Variants in ARL6IP1 observed in about 807,000 individuals in gnomAD.
ARL6IP1 encodes ADP-ribosylation factor-like protein 6-interacting protein 1.
ARL6IP1 carries 16 observed loss-of-function variants against 30.1 expected under a neutral mutation model. The ratio of observed to expected loss-of-function variants is 0.53; its 90% CI spans 0.36 to 0.81. The LOEUF (loss-of-function observed/expected upper bound fraction) is 0.81, where lower values mean the gene tolerates loss of function less well. Among genes scored for constraint, ARL6IP1 ranks in the 30% least tolerant of loss-of-function variants. The pLI is 0.01. For synonymous variants in ARL6IP1, 72 were observed against 84.8 expected (o/e 0.85, Z 0.83); for missense variants, 173 against 242.7 (o/e 0.71, Z 1.91).
In ARL6IP1 at chr16:18,793,288, G is replaced by C. The variant is rs201894158; in HGVS notation, c.576C>G (p.Asn192Lys). 1 of 1,612,364 alleles carries C rather than the reference G, an allele frequency of 6.2e-7. No individual in the cohort carries two copies. The highest frequency in any genetic ancestry group is 8.5e-7 in the Non-Finnish European group (1 of 1,179,480). ...KYIGMAKREINKLLKQKEKKN... is the reference protein window; with the variant it reads ...KYIGMAKREIKKLLKQKEKKN... The stretch of plus-strand genomic sequence containing the variant: ...TCTTTTCTTTTTGTTTGAGAAGTTT[G>C]TTTATCTCCCTCTTGGCCATTCCAA... The change falls in exon 6 of 6, where the codon AAC becomes AAG. Residue 192 changes from asparagine (N) to lysine (K), a missense_variant. Coordinates refer to ENST00000304414, the MANE Select transcript of ARL6IP1 (RefSeq NM_015161.3).
At chr16:18,795,322 C>A in intron 4 of ARL6IP1, 142 bp downstream of exon 4, 1 of 523,676 alleles carries the variant, frequency 1.9e-6, no homozygotes, top group Non-Finnish European at 3.3e-6. Flanking sequence ...ATGATTCAGT[C>A]TAATTAATAC....
chr16:18,797,152 G>A (rs901789939), intron 3 of ARL6IP1, among the ~76,000 whole-genome samples: 2 of 151,944 alleles, frequency 1.3e-5, no homozygotes, highest in East Asian at 1.9e-4. Flanking sequence ...GGCCGAGGCG[G>A]GCGGATCACA....
intron 3 of ARL6IP1, among the ~76,000 whole-genome samples, chr16:18,796,010 G>A (rs1286465676): frequency 1.3e-5 from 2 of 152,132 alleles, no homozygotes; most frequent in Non-Finnish European, 2.9e-5. Flanking sequence ...ACACTCCTTA[G>A]TAAGATACTA....
rs778033744 is a variant in ARL6IP1 at position 18,798,705 on chromosome 16, A to T, written c.166T>A (p.Phe56Ile). ...GTAATCTAATAGCTCACTTACAGAAACACCAAAGAAACCACACCCATGATG... is the reference window on the plus strand; with the variant it reads ...GTAATCTAATAGCTCACTTACAGAATCACCAAAGAAACCACACCCATGATG... Reference protein sequence around the residue: ...PAIMGVVSLVFLIIYYLDPSV... With the variant: ...PAIMGVVSLVILIIYYLDPSV... Residue 56 changes from phenylalanine to isoleucine, a missense_variant, in exon 2 of 6, where the codon TTT becomes ATT. Coordinates refer to ENST00000304414, the MANE Select transcript of ARL6IP1 (RefSeq NM_015161.3). 19 of 1,613,872 alleles carry T rather than the reference A, an allele frequency of 1.2e-5. No homozygotes were observed. Among genetic ancestry groups the T allele is most frequent in the Non-Finnish European group, 1.5e-5 (18 of 1,179,962 alleles).
rs768156552 is a variant in ARL6IP1, at chr16:18,801,517, C to T, written c.-51G>A. 1.9e-6 allele frequency: 3 copies of T among 1,599,664 alleles called. No homozygotes were observed. In the East Asian group the frequency reaches 6.8e-5, roughly 36 times the overall value. ...GCGCAGGCCACCTCCCCAACGAGTC[C>T]TCCAACCGAAACCCGCACACCAACC... On this transcript the variant is annotated 5_prime_UTR_variant, in exon 1 of 6. Transcript: ENST00000304414.
At chr16:18,799,105 C>T (rs1216909151) in intron 1 of ARL6IP1, among the ~76,000 whole-genome samples, 10 of 151,308 alleles carry the variant, frequency 6.6e-5, no homozygotes, top group African/African-American at 9.7e-5. Context: ...CTGCAGCCTC[C>T]GCCTCCTGGG....
At chr16:18,798,437 G>C in intron 2 of ARL6IP1, 1 of 389,122 alleles carries the variant, frequency 2.6e-6, no homozygotes, top group Non-Finnish European at 4.5e-6. Flanking sequence ...AGAACTTAAA[G>C]TATAATAACA....
Position 18,794,592 on chromosome 16 carries a change from G to T in ARL6IP1, c.493+7C>A. 1.2e-6 allele frequency: 2 copies of T among 1,608,556 alleles called. No homozygotes were observed. The highest frequency in any genetic ancestry group is 2.2e-5 in the South Asian group (2 of 90,740). ...GATGTGCCTGTAGTTTTTCCTCAAA[G>T]ACTTACCTATCAGGTAGGTGAGAAG... On this transcript the variant is annotated splice_region_variant and intron_variant, in intron 5 of 5. Coordinates refer to ENST00000304414, the MANE Select transcript of ARL6IP1 (RefSeq NM_015161.3).
Position 18,793,190 on chromosome 16 carries a change from C to G in ARL6IP1, c.*62G>C. The G allele has an allele frequency of 9.4e-7, 1 of 1,067,650 alleles. No individual in the cohort carries two copies. The highest frequency in any genetic ancestry group is 1.6e-5 in the African/African-American group (1 of 63,304). The allele number at this position is 1,067,650 out of a possible 1,614,324, so 66.1% of individuals were successfully genotyped here. On this transcript the variant is annotated 3_prime_UTR_variant, in exon 6 of 6. Coordinates refer to ENST00000304414, the MANE Select transcript of ARL6IP1 (RefSeq NM_015161.3). ...GTAACATTTTAGTATCCAGATAGTA[C>G]AGCAGAAACGGTTCCCGGGGCAATG...
chr16:18,795,579 G>A lies in ARL6IP1; in HGVS notation c.293C>T (p.Thr98Ile). The A allele has an allele frequency of 6.2e-7, 1 of 1,611,106 alleles. No individual in the cohort carries two copies. The highest frequency in any genetic ancestry group is 1.1e-5 in the South Asian group (1 of 90,910). ...ATGGAATCTTTGCTGTTGTTCAGTG[G>A]TCCTAGAAAAGAAATTTGCCTTTTG... ...APRIFGSNKW[T>I]TEQQQRFHEI... The change falls in exon 4 of 6, where the codon ACC becomes ATC. Residue 98 changes from threonine to isoleucine, a missense_variant and splice_region_variant. Transcript: ENST00000304414.
chr16:18,801,347 G>T (rs2030404571), intron 1 of ARL6IP1, 84 bp downstream of exon 1: 2 of 1,577,948 alleles, frequency 1.3e-6, no homozygotes, highest in Non-Finnish European at 8.6e-7. Context: ...CGCGGCGGGT[G>T]ACAGGGACGA....
intron 2 of ARL6IP1, 100 bp from the exon 3 acceptor site, chr16:18,798,144 A>C: frequency 8.4e-7 from 1 of 1,191,102 alleles, no homozygotes; most frequent in Non-Finnish European, 1.1e-6. Flanking sequence ...ACCGCCTCTC[A>C]GAGATATTTG....
chr16:18,793,866 C>T (rs555767771), intron 5 of ARL6IP1, among the ~76,000 whole-genome samples: 3 of 152,302 alleles, frequency 2.0e-5, no homozygotes, highest in South Asian at 2.1e-4. Flanking sequence ...AGGTGCCTGC[C>T]GCCACGCCTG....
chr16:18,793,988 T>TGG (rs551401994), intron 5 of ARL6IP1, among the ~76,000 whole-genome samples: 2 of 143,382 alleles, frequency 1.4e-5, no homozygotes, highest in Non-Finnish European at 3.0e-5. Context: ...CGGTGGTGGG[T>TGG]GGGGGGGGTG....
At chr16:18,797,664 T>C (rs973136479) in intron 3 of ARL6IP1, 21 of 265,602 alleles carry the variant, frequency 7.9e-5, no homozygotes, top group Non-Finnish European at 1.3e-4. Context: ...AAATAATTTG[T>C]GAAGTTATTA....
intron 1 of ARL6IP1, among the ~76,000 whole-genome samples, chr16:18,800,013 G>A (rs1378776639): frequency 2.0e-5 from 3 of 152,182 alleles, no homozygotes; most frequent in Admixed American, 2.0e-4. Context: ...ACCAGCCTGG[G>A]CTGAGACCTT....
chr16:18,793,661 T>G (rs1036774638), intron 5 of ARL6IP1, among the ~76,000 whole-genome samples: 9 of 151,744 alleles, frequency 5.9e-5, no homozygotes, highest in Admixed American at 5.9e-4. Flanking sequence ...GAACTCCCAA[T>G]CTCAGGTGAT....
chr16:18,794,470 A>C (rs748068607), intron 5 of ARL6IP1, 129 bp downstream of exon 5: 30 of 602,988 alleles, frequency 5.0e-5, no homozygotes, highest in Non-Finnish European at 8.6e-5. Flanking sequence ...AGACCATAAT[A>C]ATCTTTCCAT....
rs751611654 is a variant in ARL6IP1, at chr16:18,797,890, C to G, written c.290+35G>C. 5.0e-6 allele frequency: 8 copies of G among 1,599,686 alleles called. No individual in the cohort carries two copies. The South Asian group carries it at 9.0e-5, about 18-fold the overall frequency. On this transcript the variant is annotated intron_variant, in intron 3 of 5. Transcript: ENST00000304414. ...ACAGCCACCAAGTTCAGTAACTACACAAAAATGAGACTGCCAAATCATTAT... is the reference window on the plus strand; with the variant it reads ...ACAGCCACCAAGTTCAGTAACTACAGAAAAATGAGACTGCCAAATCATTAT...
Sources: allele counts gnomAD v4.1 joint callset (sites outside exome capture counted in the v4.1 genomes callset), GRCh38; gene constraint gnomAD v4.1.1; transcripts MANE v1.5; gene names NCBI Gene and HGNC (gene_info 2026-07-23, HGNC 2026-07-21).